The following MMP16 variants were observed in gnomAD, a reference collection of about 807,000 sequenced individuals.
MMP16 encodes matrix metalloproteinase-16.
MMP16 carries 12 observed loss-of-function variants against 67.8 expected under a neutral mutation model. The ratio of observed to expected loss-of-function variants is 0.18; its 90% CI spans 0.11 to 0.29. MMP16 has a LOEUF of 0.29. Among genes scored for constraint, MMP16 ranks in the 10% least tolerant of loss-of-function variants. MMP16 has a pLI of 1.00. For synonymous variants in MMP16, 249 were observed against 255.9 expected (o/e 0.97, Z 0.26); for missense variants, 475 against 765.7 (o/e 0.62, Z 4.48).
At chr8:88,207,690 A>G (rs1046564917) in intron 1 of MMP16, among the ~76,000 whole-genome samples, 1 of 84,652 alleles carries the variant, frequency 1.2e-5, no homozygotes, top group African/African-American at 3.2e-5. Context: ...AGTAAGGACC[A>G]TTGTTAAAAA....
At chr8:88,059,026 T>C (rs1006411475) in intron 7 of MMP16, among the ~76,000 whole-genome samples, 7 of 151,822 alleles carry the variant, frequency 4.6e-5, no homozygotes, top group African/African-American at 1.7e-4. Context: ...TGTTATTTAG[T>C]AAGACAAGAC....
intron 6 of MMP16, among the ~76,000 whole-genome samples, chr8:88,115,928 T>A (rs541847286): frequency 4.6e-4 from 70 of 152,174 alleles, no homozygotes; most frequent in Admixed American, 2.0e-4. Flanking sequence ...TGTAGCCTTT[T>A]AAAAAAATAA....
chr8:88,295,708 G>A (rs1811001709), intron 1 of MMP16, among the ~76,000 whole-genome samples: 1 of 152,096 alleles, frequency 6.6e-6, no homozygotes, highest in East Asian at 1.9e-4. Context: ...ATTCAGAAAT[G>A]TTCTCCAACG....
intron 4 of MMP16, among the ~76,000 whole-genome samples, chr8:88,128,204 T>G (rs1807967988): frequency 6.6e-6 from 1 of 151,844 alleles, no homozygotes; most frequent in South Asian, 2.1e-4. Flanking sequence ...AGAGGAATAA[T>G]TAGCAAAACA....
chr8:88,149,893 T>C (rs1227768928), intron 4 of MMP16, among the ~76,000 whole-genome samples: 3 of 146,722 alleles, frequency 2.0e-5, no homozygotes, highest in East Asian at 4.0e-4. Flanking sequence ...AGAAGAAGGC[T>C]TCAGACGATC....
At chr8:88,190,165 A>T (rs1425050199) in intron 2 of MMP16, among the ~76,000 whole-genome samples, 1 of 152,218 alleles carries the variant, frequency 6.6e-6, no homozygotes, top group East Asian at 1.9e-4. Context: ...TCAACTAATG[A>T]TTTAATGAAA....
intron 1 of MMP16, among the ~76,000 whole-genome samples, chr8:88,303,453 C>T (rs1811163145): frequency 6.6e-6 from 1 of 152,226 alleles, no homozygotes; most frequent in African/African-American, 2.4e-5. Context: ...AGCTGTGCCA[C>T]CAAAGCAGCC....
At chr8:88,199,782 G>A (rs1000797981) in intron 1 of MMP16, among the ~76,000 whole-genome samples, 4 of 151,568 alleles carry the variant, frequency 2.6e-5, no homozygotes, top group Non-Finnish European at 4.4e-5. Context: ...TTCCATCCTC[G>A]TATGTTTTTA....
At chr8:88,177,950 A>C (rs1808919228) in intron 3 of MMP16, among the ~76,000 whole-genome samples, 1 of 152,042 alleles carries the variant, frequency 6.6e-6, no homozygotes, top group Non-Finnish European at 1.5e-5. Context: ...AGATAGTTTA[A>C]AGACATGGTA....
chr8:88,071,469 C>G (rs1468120637), intron 7 of MMP16, among the ~76,000 whole-genome samples: 1 of 150,506 alleles, frequency 6.6e-6, no homozygotes, highest in Non-Finnish European at 1.5e-5. Flanking sequence ...AATTGTCTAG[C>G]ACAGATTGGA....
intron 4 of MMP16, among the ~76,000 whole-genome samples, chr8:88,153,121 T>A (rs1808437935): frequency 2.1e-5 from 3 of 140,616 alleles, no homozygotes; most frequent in African/African-American, 5.3e-5. Context: ...CACAATTGCT[T>A]CAAAGAGAAT....
intron 1 of MMP16, among the ~76,000 whole-genome samples, chr8:88,249,488 A>G (rs1449747621): frequency 6.6e-6 from 1 of 152,112 alleles, no homozygotes; most frequent in Non-Finnish European, 1.5e-5. Flanking sequence ...CTAAGGGAAT[A>G]GATGCATCTC....
chr8:88,068,154 T>G (rs1428737903), intron 7 of MMP16, among the ~76,000 whole-genome samples: 1 of 152,180 alleles, frequency 6.6e-6, no homozygotes, highest in African/African-American at 2.4e-5. Flanking sequence ...TACATTTCCC[T>G]AATGACTAAT....
At chr8:88,159,951 T>G (rs1266202865) in intron 4 of MMP16, among the ~76,000 whole-genome samples, 4 of 152,044 alleles carry the variant, frequency 2.6e-5, no homozygotes. Context: ...TTTGTTGTTT[T>G]TTTTTCAAAT....
chr8:88,072,109 T>C (rs1808566902), intron 7 of MMP16, among the ~76,000 whole-genome samples: 1 of 152,138 alleles, frequency 6.6e-6, no homozygotes, highest in Non-Finnish European at 1.5e-5. Context: ...GGGCAGAGAT[T>C]ACCTCATGGC....
chr8:88,051,056 A>G (rs1292501343), intron 8 of MMP16, among the ~76,000 whole-genome samples: 1 of 152,208 alleles, frequency 6.6e-6, no homozygotes, highest in East Asian at 1.9e-4. Flanking sequence ...GAAAAACTCA[A>G]CATAGGCTCA....
At chr8:88,096,138 T>C (rs931210813) in intron 6 of MMP16, among the ~76,000 whole-genome samples, 2 of 151,934 alleles carry the variant, frequency 1.3e-5, no homozygotes, top group Non-Finnish European at 2.9e-5. Context: ...TACAAACTTA[T>C]TTGGCAGACA....
At chr8:88,256,307 A>G (rs752343917) in intron 1 of MMP16, among the ~76,000 whole-genome samples, 1 of 152,170 alleles carries the variant, frequency 6.6e-6, no homozygotes, top group Non-Finnish European at 1.5e-5. Flanking sequence ...AATAAGAATC[A>G]ATCTTTTCAG....
rs938921360 is a variant in MMP16, at chr8:88,036,999, AGTCT to A, written c.*4458_*4461del. On this transcript the variant is annotated 3_prime_UTR_variant, in exon 10 of 10. Coordinates refer to ENST00000286614, the MANE Select transcript of MMP16 (RefSeq NM_005941.5). ...ATTTTTTCATGACTCAGTTTAACTC[AGTCT>A]GTCTGTCTGCTTATAACATCCATTC... The A allele has an allele frequency of 2.0e-5, 3 of 151,608 alleles. No individual in the cohort carries two copies. Among genetic ancestry groups the A allele is most frequent in the Admixed American group, 1.3e-4 (2 of 15,148 alleles). 9.4% of individuals were successfully genotyped at this position (151,608 alleles called of 1,614,324 possible).
Sources: allele counts gnomAD v4.1 joint callset (sites outside exome capture counted in the v4.1 genomes callset), GRCh38; gene constraint gnomAD v4.1.1; transcripts MANE v1.5; gene names NCBI Gene and HGNC (gene_info 2026-07-23, HGNC 2026-07-21).